Variants in LAMTOR5 observed in about 807,000 individuals in gnomAD.
The protein encoded by LAMTOR5 is late endosomal/lysosomal adaptor, MAPK and MTOR activator 5, also known as ragulator complex protein LAMTOR5.
Under a neutral mutation model 12.1 loss-of-function variants are expected in LAMTOR5, and 8 were observed. That is an observed-to-expected ratio of 0.66 (90% CI 0.39 to 1.19). The LOEUF (loss-of-function observed/expected upper bound fraction) is 1.19, where lower values mean the gene tolerates loss of function less well. LAMTOR5 is among the 50% of genes most tolerant of loss of function. The pLI is 0.01. For missense variants in LAMTOR5, 110 were observed against 112.8 expected, an observed-to-expected ratio of 0.97 and a Z score of 0.11; for synonymous variants, 37 against 41.9, an observed-to-expected ratio of 0.88 and a Z score of 0.45.
At chr1:110,405,766 C>G (rs1032301719) in intron 2 of LAMTOR5, among the ~76,000 whole-genome samples, 22 of 152,074 alleles carry the variant, frequency 1.4e-4, no homozygotes, top group African/African-American at 5.3e-4. Context: ...AAATAACAAC[C>G]CAGTGAAGAA....
chr1:110,405,750 A>G (rs1663314426), intron 2 of LAMTOR5, among the ~76,000 whole-genome samples: 1 of 152,224 alleles, frequency 6.6e-6, no homozygotes, highest in South Asian at 2.1e-4. Context: ...GATTATTACC[A>G]TTATCAAATA....
rs756847058 is a variant in LAMTOR5 at position 110,401,513 on chromosome 1, G to GAT, written c.*8_*9dup. On this transcript the variant is annotated 3_prime_UTR_variant, in exon 4 of 4. Transcript: ENST00000602318. ...TCCTATGACAGGCTGCTGAAGAACA[G>GAT]ATATGAGCATCAAGAGGCCATTTTG... The GAT allele has an allele frequency of 6.2e-7, 1 of 1,602,850 alleles. No homozygotes were observed. Among genetic ancestry groups the GAT allele is most frequent in the Non-Finnish European group, 8.5e-7 (1 of 1,170,834 alleles).
intron 3 of LAMTOR5, among the ~76,000 whole-genome samples, chr1:110,403,140 C>A (rs933958149): frequency 1.3e-5 from 2 of 152,182 alleles, no homozygotes; most frequent in African/African-American, 4.8e-5. Flanking sequence ...GATGTTCATA[C>A]AACAAAACTG....
rs1663331620 is a variant in LAMTOR5, at chr1:110,406,461, T to C, written c.36-82A>G. On this transcript the variant is annotated intron_variant, in intron 1 of 3. Transcript: ENST00000602318. ...TAAGTACAAACATACAGGTGTTCTATGTACCAGGCATTAAGTGCTTTAAAT... is the reference window on the plus strand; with the variant it reads ...TAAGTACAAACATACAGGTGTTCTACGTACCAGGCATTAAGTGCTTTAAAT... 2.2e-5 allele frequency: 20 copies of C among 891,008 alleles called. No individual in the cohort carries two copies. In the South Asian group the frequency reaches 2.9e-4, roughly 13 times the overall value. The allele number at this position is 891,008 out of a possible 1,614,324, so 55.2% of individuals were successfully genotyped here.
intron 1 of LAMTOR5, chr1:110,407,088 G>C (rs564361942): frequency 2.9e-6 from 2 of 684,304 alleles, no homozygotes; most frequent in South Asian, 1.6e-5. Context: ...GTGTCTCTCT[G>C]TACCCTTTAC....
chr1:110,403,318 G>A (rs1041927690), intron 3 of LAMTOR5, among the ~76,000 whole-genome samples: 4 of 152,062 alleles, frequency 2.6e-5, no homozygotes, highest in Non-Finnish European at 4.4e-5. Flanking sequence ...TGCTTTAGAA[G>A]TAATTTTTGG....
intron 3 of LAMTOR5, 118 bp downstream of exon 3, chr1:110,403,801 G>C (rs1663272458): frequency 6.9e-7 from 1 of 1,457,082 alleles, no homozygotes; most frequent in Admixed American, 2.4e-5. Flanking sequence ...AAAAGATTAA[G>C]AACTTTTCCC....
At chr1:110,407,901 G>A (rs902012804), upstream of LAMTOR5, 2 of 1,596,440 alleles carry the variant, frequency 1.3e-6, no homozygotes, top group Non-Finnish European at 1.7e-6. Context: ...TTCCCCTCTC[G>A]GGAGAGGTCT....
chr1:110,405,118 G>C (rs900956320), intron 2 of LAMTOR5, among the ~76,000 whole-genome samples: 1 of 151,130 alleles, frequency 6.6e-6, no homozygotes, highest in Non-Finnish European at 1.5e-5. Flanking sequence ...CGACTTACTA[G>C]CTGCATGACC....
chr1:110,406,448 T>TA, intron 1 of LAMTOR5, 69 bp from the exon 2 acceptor site: 1 of 1,079,244 alleles, frequency 9.3e-7, no homozygotes, highest in Non-Finnish European at 1.4e-6. Context: ...AGTACAAACA[T>TA]ACAGGTGTTC....
intron 3 of LAMTOR5, among the ~76,000 whole-genome samples, chr1:110,402,297 C>T (rs1663246040): frequency 6.6e-6 from 1 of 152,168 alleles, no homozygotes; most frequent in South Asian, 2.1e-4. Context: ...GTTGCCCAGG[C>T]TGGAGGGCAG....
chr1:110,406,202 AGAAAGACCTG>A, intron 2 of LAMTOR5, 106 bp downstream of exon 2: 1 of 605,400 alleles, frequency 1.7e-6, no homozygotes, highest in Middle Eastern at 4.5e-4. Flanking sequence ...TCTCAAACTC[AGAAAGACCTG>A]GCAAGGTAAC....
chr1:110,403,352 T>C (rs1663264300), intron 3 of LAMTOR5, among the ~76,000 whole-genome samples: 1 of 152,212 alleles, frequency 6.6e-6, no homozygotes, highest in South Asian at 2.1e-4. Flanking sequence ...CTCATTCCTG[T>C]AATCCCAGCA....
chr1:110,406,477 T>C (rs1663332001), intron 1 of LAMTOR5, 98 bp from the exon 2 acceptor site: 1 of 754,814 alleles, frequency 1.3e-6, no homozygotes, highest in Middle Eastern at 2.6e-4. Flanking sequence ...AGGCATTAAG[T>C]GCTTTAAATC....
chr1:110,403,848 G>T, intron 3 of LAMTOR5, 71 bp downstream of exon 3: 1 of 1,589,958 alleles, frequency 6.3e-7, no homozygotes, highest in Non-Finnish European at 8.6e-7. Context: ...ATGAACACAG[G>T]GCCGGCCCCC....
At chr1:110,407,499 GCCGGTACTCGCAGCT>G in intron 1 of LAMTOR5, 72 bp downstream of exon 1, 3 of 1,497,416 alleles carry the variant, frequency 2.0e-6, no homozygotes, top group South Asian at 2.5e-5. Flanking sequence ...AGACGCCCTG[GCCGGTACTCGCAGCT>G]CGCGCCTTTC....
chr1:110,401,525 A>T lies in LAMTOR5; in HGVS notation c.274T>A (p.Ter92ArgextTer11). The T allele has an allele frequency of 6.2e-7, 1 of 1,606,478 alleles. No individual in the cohort carries two copies. Among genetic ancestry groups the T allele is most frequent in the South Asian group, 1.1e-5 (1 of 90,624 alleles). The change falls in exon 4 of 4, where the codon TGA becomes AGA. Residue 92 changes from the stop codon to arginine, a stop_lost. Transcript: ENST00000602318. ...ITVAVHKMAS[*>R] is the part of the protein sequence containing the mutation. Reference sequence around the variant, plus strand: ...CTGCTGAAGAACAGATATGAGCATCAAGAGGCCATTTTGTGCACTGCCACC... The same window carrying T: ...CTGCTGAAGAACAGATATGAGCATCTAGAGGCCATTTTGTGCACTGCCACC...
chr1:110,407,703 CG>C, upstream of LAMTOR5: 1 of 1,614,220 alleles, frequency 6.2e-7, no homozygotes, highest in Non-Finnish European at 8.5e-7. Context: ...TTGACGCGAG[CG>C]GGGCGTGGAC....
chr1:110,401,926 C>CA (rs1408235996), intron 3 of LAMTOR5, among the ~76,000 whole-genome samples: 1 of 151,372 alleles, frequency 6.6e-6, no homozygotes, highest in Non-Finnish European at 1.5e-5. Context: ...GCTGGAACTA[C>CA]AAAAAAAAGG....
Sources: allele counts gnomAD v4.1 joint callset (sites outside exome capture counted in the v4.1 genomes callset), GRCh38; gene constraint gnomAD v4.1.1; transcripts MANE v1.5; gene names NCBI Gene and HGNC (gene_info 2026-07-23, HGNC 2026-07-21).